The following ACBD7 variants were observed in gnomAD, a reference collection of about 807,000 sequenced individuals.
ACBD7 encodes acyl-CoA binding domain containing 7.
In ACBD7, 11 loss-of-function variants were observed where a neutral mutation model predicts 13.7. The ratio of observed to expected loss-of-function variants is 0.80; its 90% CI spans 0.50 to 1.33. The LOEUF (loss-of-function observed/expected upper bound fraction) is 1.33, where lower values mean the gene tolerates loss of function less well. ACBD7 is among the 40% of genes most tolerant of loss of function. ACBD7 has a pLI of 0.00. For missense variants in ACBD7, 111 were observed against 103.0 expected, an observed-to-expected ratio of 1.08 and a Z score of -0.33; for synonymous variants, 43 against 37.7, an observed-to-expected ratio of 1.14 and a Z score of -0.51.
At chr10:15,081,648 C>A (rs78681653) in intron 1 of ACBD7, among the ~76,000 whole-genome samples, 1,771 of 152,334 alleles carry the variant, frequency 0.012, 33 homozygotes, top group African/African-American at 0.04. Flanking sequence ...CAAATCTCTT[C>A]TCTCCCAGTT....
intron 1 of ACBD7, among the ~76,000 whole-genome samples, chr10:15,081,821 C>T (rs1034424311): frequency 6.6e-6 from 1 of 152,222 alleles, no homozygotes; most frequent in Non-Finnish European, 1.5e-5. Context: ...GGCCCATCCT[C>T]CTACCCAGTT....
chr10:15,085,376 C>T (rs1478302623), intron 1 of ACBD7, among the ~76,000 whole-genome samples: 2 of 152,214 alleles, frequency 1.3e-5, no homozygotes, highest in Non-Finnish European at 2.9e-5. Flanking sequence ...CATTTCAGCC[C>T]CGCTGAAGAC....
rs1332308439 is a variant in ACBD7, at chr10:15,076,732, G to T, written c.*1798C>A. On this transcript the variant is annotated 3_prime_UTR_variant, in exon 4 of 4. Coordinates refer to ENST00000356189, the MANE Select transcript of ACBD7 (RefSeq NM_001039844.3). ...TTGGTCAGGCTGGTCTCGAACTTCT[G>T]ACCTCAGTAATCCACCTACCTCGGC... 2 of 939,864 alleles carry T rather than the reference G, an allele frequency of 2.1e-6. No individual in the cohort carries two copies. The highest frequency in any genetic ancestry group is 2.5e-6 in the Non-Finnish European group (2 of 788,724). 58.2% of individuals were successfully genotyped at this position (939,864 alleles called of 1,614,324 possible). A position where few individuals can be genotyped will look rare whatever the true frequency, so the allele number is the denominator to read the frequency against.
intron 1 of ACBD7, among the ~76,000 whole-genome samples, chr10:15,082,254 C>T (rs986400944): frequency 2.0e-5 from 3 of 147,200 alleles, no homozygotes; most frequent in African/African-American, 7.6e-5. Context: ...CCACTACACT[C>T]CAGCCTGGGC....
chr10:15,084,574 C>T (rs11259469), intron 1 of ACBD7, among the ~76,000 whole-genome samples: 5,422 of 152,286 alleles, frequency 0.036, 105 homozygotes, highest in Admixed American at 0.04. Context: ...CACAGGGACT[C>T]AAGATCCCTG....
rs941526878 is a variant in ACBD7, at chr10:15,075,519, C to T, written c.*3011G>A. On this transcript the variant is annotated 3_prime_UTR_variant, in exon 4 of 4. Transcript: ENST00000356189. Reference sequence around the variant, plus strand: ...CTTTAATGGTAACTGTTATGCAAAACTATAGTATAATATCACAATCAGCAT... The same window carrying T: ...CTTTAATGGTAACTGTTATGCAAAATTATAGTATAATATCACAATCAGCAT... 2.0e-5 allele frequency among the ~76,000 whole-genome samples: 3 copies of T among 152,124 alleles called. No individual in the cohort carries two copies. Among genetic ancestry groups the T allele is most frequent in the African/African-American group, 7.2e-5 (3 of 41,410 alleles).
At chr10:15,080,443 G>A (rs1844736980) in intron 1 of ACBD7, among the ~76,000 whole-genome samples, 1 of 152,056 alleles carries the variant, frequency 6.6e-6, no homozygotes, top group South Asian at 2.1e-4. Flanking sequence ...AGCTGGGCTT[G>A]GTGGTGCGTG....
intron 1 of ACBD7, among the ~76,000 whole-genome samples, chr10:15,087,379 G>A (rs998734610): frequency 7.9e-5 from 12 of 152,226 alleles, no homozygotes; most frequent in African/African-American, 2.9e-4. Flanking sequence ...GAACCCAGAT[G>A]GCCCTGAAGT....
At position 15,078,720 on chromosome 10, in the gene ACBD7, G is replaced by T; in HGVS notation, c.164C>A (p.Ala55Asp). ...CPGMLDLKGK[A>D]KWEAWNLKKG... ...TTTGAGGTTCCATGCTTCCCATTTGGCTTTGCCTTTTAAATCTAGCATTCC... is the reference window on the plus strand; with the variant it reads ...TTTGAGGTTCCATGCTTCCCATTTGTCTTTGCCTTTTAAATCTAGCATTCC... Residue 55 changes from alanine to aspartate, a missense_variant, in exon 3 of 4, where the codon GCC (alanine) becomes GAC (aspartate). Physicochemically the swap from Ala to Asp is moderately radical, Grantham distance 126. Transcript: ENST00000356189. 4 of 1,613,930 alleles carry T rather than the reference G, an allele frequency of 2.5e-6. No homozygotes were observed. The highest frequency in any genetic ancestry group is 3.4e-6 in the Non-Finnish European group (4 of 1,179,970).
intron 1 of ACBD7, among the ~76,000 whole-genome samples, chr10:15,087,401 C>T (rs1272277887): frequency 6.6e-6 from 1 of 152,220 alleles, no homozygotes; most frequent in Non-Finnish European, 1.5e-5. Flanking sequence ...TGTATTACAA[C>T]TTTACGCAGG....
chr10:15,076,413 T>G lies in ACBD7; in HGVS notation c.*2117A>C. 1.0e-6 allele frequency: 1 copy of G among 979,860 alleles called. No individual in the cohort carries two copies. The highest frequency in any genetic ancestry group is 1.2e-6 in the Non-Finnish European group (1 of 824,966). The allele number at this position is 979,860 out of a possible 1,614,324, so 60.7% of individuals were successfully genotyped here. Reference sequence around the variant, plus strand: ...TACATTTTAGTTTGCCTTTTTGTCTTAAATGTCTTAAATGTAAAAATTTAA... The same window carrying G: ...TACATTTTAGTTTGCCTTTTTGTCTGAAATGTCTTAAATGTAAAAATTTAA... On this transcript the variant is annotated 3_prime_UTR_variant, in exon 4 of 4. Coordinates refer to ENST00000356189, the MANE Select transcript of ACBD7 (RefSeq NM_001039844.3).
At chr10:15,088,500 C>A in intron 1 of ACBD7, 2 of 619,960 alleles carry the variant, frequency 3.2e-6, no homozygotes, top group East Asian at 3.5e-5. Context: ...GCTCACCCGG[C>A]CCCTGGGGTC....
chr10:15,080,553 C>G (rs1027200872), intron 1 of ACBD7, among the ~76,000 whole-genome samples: 3 of 152,118 alleles, frequency 2.0e-5, no homozygotes, highest in Non-Finnish European at 4.4e-5. Flanking sequence ...GCACTCTAGC[C>G]TGGGCGACAA....
rs1419321173 is a variant in ACBD7, at chr10:15,077,342, A to T, written c.*1188T>A. Among the ~76,000 whole-genome samples the T allele has an allele frequency of 6.6e-6, 1 of 152,164 alleles. No individual in the cohort carries two copies. The highest frequency in any genetic ancestry group is 2.4e-5 in the African/African-American group (1 of 41,428). On this transcript the variant is annotated 3_prime_UTR_variant, in exon 4 of 4. Coordinates refer to ENST00000356189, the MANE Select transcript of ACBD7 (RefSeq NM_001039844.3). ...TAAGTGAAACAACTCAGAAAAAAAT[A>T]AGAAAATAAAGATTTTTAAAGAACC...
rs1446716388 is a variant in ACBD7 at position 15,077,024 on chromosome 10, C to T, written c.*1506G>A. 9 of 755,966 alleles carry T rather than the reference C, an allele frequency of 1.2e-5. No individual in the cohort carries two copies. The highest frequency in any genetic ancestry group is 6.0e-5 in the South Asian group (1 of 16,714). 46.8% of individuals were successfully genotyped at this position (755,966 alleles called of 1,614,324 possible). On this transcript the variant is annotated 3_prime_UTR_variant, in exon 4 of 4. Coordinates refer to ENST00000356189, the MANE Select transcript of ACBD7 (RefSeq NM_001039844.3). ...AGTACAACCTCTATGAAAAACAGCA[C>T]GGAAATTTCTCATGGAACTAAAAAT...
At chr10:15,084,919 G>T (rs1480034857) in intron 1 of ACBD7, among the ~76,000 whole-genome samples, 1 of 145,632 alleles carries the variant, frequency 6.9e-6, no homozygotes, top group Non-Finnish European at 1.5e-5. Context: ...TTATTACATA[G>T]GTGTGGAAAG....
In ACBD7 at chr10:15,078,357, A is replaced by T; in HGVS notation, c.*173T>A. Reference sequence around the variant, plus strand: ...ACTTTTAAAGACACCTGGTTTAAGCAAGTACAATTGAGTTAACTATGTAGT... The same window carrying T: ...ACTTTTAAAGACACCTGGTTTAAGCTAGTACAATTGAGTTAACTATGTAGT... On this transcript the variant is annotated 3_prime_UTR_variant, in exon 4 of 4. Transcript: ENST00000356189. 1 of 1,469,110 alleles carries T rather than the reference A, an allele frequency of 6.8e-7. No individual in the cohort carries two copies. The highest frequency in any genetic ancestry group is 9.0e-7 in the Non-Finnish European group (1 of 1,117,124). 91.0% of individuals were successfully genotyped at this position (1,469,110 alleles called of 1,614,324 possible). A position where few individuals can be genotyped will look rare whatever the true frequency, so the allele number is the denominator to read the frequency against.
chr10:15,078,462 C>T lies in ACBD7; in HGVS notation c.*68G>A. On this transcript the variant is annotated 3_prime_UTR_variant, in exon 4 of 4. Coordinates refer to ENST00000356189, the MANE Select transcript of ACBD7 (RefSeq NM_001039844.3). ...ACATCAAGTTAACAGTATGCCTCTC[C>T]CTCTAAATGTTAGGTCATGATAGCA... 1 of 1,609,056 alleles carries T rather than the reference C, an allele frequency of 6.2e-7. No individual in the cohort carries two copies. Among genetic ancestry groups the T allele is most frequent in the South Asian group, 1.1e-5 (1 of 90,840 alleles).
Position 15,076,044 on chromosome 10 carries a change from T to C in ACBD7, c.*2486A>G, listed in dbSNP as rs1264724106. 1.2e-6 allele frequency: 1 copy of C among 864,118 alleles called. No homozygotes were observed. Among genetic ancestry groups the C allele is most frequent in the East Asian group, 1.2e-4 (1 of 8,220 alleles). The allele number at this position is 864,118 out of a possible 1,614,324, so 53.5% of individuals were successfully genotyped here. A position where few individuals can be genotyped will look rare whatever the true frequency, so the allele number is the denominator to read the frequency against. On this transcript the variant is annotated 3_prime_UTR_variant, in exon 4 of 4. Coordinates refer to ENST00000356189, the MANE Select transcript of ACBD7 (RefSeq NM_001039844.3). Reference sequence around the variant, plus strand: ...TAAATGGAATTATACATGTCACATTTGGGGACTGGCTTTTTCTGCTCAGCA... The same window carrying C: ...TAAATGGAATTATACATGTCACATTCGGGGACTGGCTTTTTCTGCTCAGCA...
Sources: allele counts gnomAD v4.1 joint callset (sites outside exome capture counted in the v4.1 genomes callset), GRCh38; gene constraint gnomAD v4.1.1; transcripts MANE v1.5; gene names NCBI Gene and HGNC (gene_info 2026-07-23, HGNC 2026-07-21).